The following TM4SF18 variants were observed in gnomAD, a reference collection of about 807,000 sequenced individuals.
TM4SF18 encodes transmembrane 4 L6 family member 18.
In TM4SF18, 22 loss-of-function variants were observed where a neutral mutation model predicts 23.8. That is an observed-to-expected ratio of 0.92 (90% CI 0.66 to 1.32). TM4SF18 has a LOEUF of 1.32. TM4SF18 is among the 40% of genes most tolerant of loss of function. The pLI, the probability that TM4SF18 is intolerant of heterozygous loss-of-function variation, is 0.00. For synonymous variants in TM4SF18, 87 were observed against 87.9 expected (o/e 0.99, Z 0.06); for missense variants, 255 against 240.3 (o/e 1.06, Z -0.41).
At chr3:149,327,618 C>T (rs970887731) in intron 3 of TM4SF18, among the ~76,000 whole-genome samples, 1 of 152,026 alleles carries the variant, frequency 6.6e-6, no homozygotes, top group Non-Finnish European at 1.5e-5. Context: ...CATGCAGTAA[C>T]CAATTGATAA....
intron 2 of TM4SF18, 56 bp downstream of exon 2, chr3:149,333,150 G>A: frequency 6.9e-7 from 1 of 1,458,452 alleles, no homozygotes; most frequent in East Asian, 2.3e-5. Context: ...CTAGTTACAA[G>A]GTAAGTCTCA....
At chr3:149,325,599 A>G (rs1559990864) in intron 3 of TM4SF18, among the ~76,000 whole-genome samples, 1 of 152,192 alleles carries the variant, frequency 6.6e-6, no homozygotes, top group Non-Finnish European at 1.5e-5. Context: ...GTTGTGAGAA[A>G]GTAGGTTTAA....
At position 149,327,131 on chromosome 3, in the gene TM4SF18, G is replaced by A. The variant is rs147251943; in HGVS notation, c.268-2109C>T. On this transcript the variant is annotated intron_variant, in intron 3 of 5. Coordinates refer to ENST00000296059, the MANE Select transcript of TM4SF18 (RefSeq NM_138786.4). ...CGCCTAGCTCATTTTTGTATTTTTA[G>A]TAGATATGGGGTTTCACCATGTTGG... Among the ~76,000 whole-genome samples, 835 of 152,286 alleles carry A rather than the reference G, an allele frequency of 5.5e-3. 6 individuals carry two copies. The highest frequency in any genetic ancestry group is 8.8e-3 in the Non-Finnish European group (597 of 68,020).
intron 3 of TM4SF18, among the ~76,000 whole-genome samples, chr3:149,328,031 T>A (rs1730994529): frequency 6.6e-6 from 1 of 152,208 alleles, no homozygotes; most frequent in South Asian, 2.1e-4. Context: ...TATTAGCTAT[T>A]ATTTCAAGTG....
chr3:149,328,991 G>A (rs1526789), intron 3 of TM4SF18, among the ~76,000 whole-genome samples: 2 of 152,168 alleles, frequency 1.3e-5, no homozygotes, highest in African/African-American at 4.8e-5. Flanking sequence ...TTGAACATGT[G>A]AATTTTTATT....
intron 3 of TM4SF18, among the ~76,000 whole-genome samples, chr3:149,327,466 GA>G (rs11294221): frequency 0.3 from 41,620 of 139,110 alleles, 5,847 homozygotes; most frequent in East Asian, 0.45. Flanking sequence ...AGCTGGAGAT[GA>G]AAAAAAAAAA....
Position 149,333,378 on chromosome 3 carries a change from C to A in TM4SF18, c.5G>T (p.Gly2Val). 6.2e-7 allele frequency: 1 copy of A among 1,610,500 alleles called. No individual in the cohort carries two copies. The highest frequency in any genetic ancestry group is 8.5e-7 in the Non-Finnish European group (1 of 1,178,154). M[G>V]SRKCGGCLSC... is the part of the protein sequence containing the mutation. The stretch of plus-strand genomic sequence containing the variant: ...TAGGCAGCCTCCACACTTCCGAGAC[C>A]CCATTTTGCCCTGCTTAGAACCTGC... Residue 2 changes from glycine to valine, a missense_variant, in exon 2 of 6, where the codon GGG becomes GTG. Gly to Val is a moderately radical substitution (Grantham distance 109, BLOSUM62 -3). Coordinates refer to ENST00000296059, the MANE Select transcript of TM4SF18 (RefSeq NM_138786.4).
Position 149,321,445 on chromosome 3 carries a change from A to G in TM4SF18, c.*33T>C. On this transcript the variant is annotated 3_prime_UTR_variant, in exon 6 of 6. Transcript: ENST00000296059. Reference sequence around the variant, plus strand: ...TGATATAATATTTAGATAGATGGCCATGTCTTGATAATGGAAAACATTTTG... The same window carrying G: ...TGATATAATATTTAGATAGATGGCCGTGTCTTGATAATGGAAAACATTTTG... The G allele has an allele frequency of 6.6e-7, 1 of 1,514,270 alleles. No individual in the cohort carries two copies. The highest frequency in any genetic ancestry group is 2.3e-5 in the East Asian group (1 of 43,284). The allele number at this position is 1,514,270 out of a possible 1,614,324, so 93.8% of individuals were successfully genotyped here.
chr3:149,329,486 A>G (rs1731042266), intron 3 of TM4SF18, among the ~76,000 whole-genome samples: 2 of 152,310 alleles, frequency 1.3e-5, no homozygotes, highest in African/African-American at 4.8e-5. Context: ...AATGCCTACC[A>G]GATATCATCA....
In TM4SF18 at chr3:149,324,956, C is replaced by T. The variant is rs777428789; in HGVS notation, c.334G>A (p.Ala112Thr). ...TATGGCCCTTGGACAAGACCCAAGG[C>T]AGAGATGACCAGGCAGTATCCAGAA... ...AFSGYCLVIS[A>T]LGLVQGPYCR... Residue 112 changes from alanine to threonine, a missense_variant, in exon 4 of 6, where the codon GCC (alanine) becomes ACC (threonine). Physicochemically the swap from Ala to Thr is moderately conservative, Grantham distance 58 (BLOSUM62 0). Transcript: ENST00000296059. The T allele has an allele frequency of 1.2e-6, 2 of 1,614,120 alleles. No individual in the cohort carries two copies. The highest frequency in any genetic ancestry group is 1.7e-6 in the Non-Finnish European group (2 of 1,180,006).
At chr3:149,324,729 G>T (rs1245248852) in intron 4 of TM4SF18, 151 bp downstream of exon 4, 2 of 915,716 alleles carry the variant, frequency 2.2e-6, no homozygotes. Context: ...AGAACAAATT[G>T]GTCTGGATAT....
At chr3:149,333,482 CTTTTT>C (rs1553772228) in intron 1 of TM4SF18, 26 bp downstream of exon 1, 6 of 235,206 alleles carry the variant, frequency 2.6e-5, no homozygotes, top group Non-Finnish European at 2.0e-5. Context: ...CTCTCTCTCT[CTTTTT>C]TTTTTTTTTT....
In TM4SF18 at chr3:149,327,466, GAAA is replaced by G. The variant is rs11294221; in HGVS notation, c.268-2447_268-2445del. Among the ~76,000 whole-genome samples the G allele has an allele frequency of 7.7e-3, 1,067 of 139,380 alleles. 12 individuals carry two copies. The highest frequency in any genetic ancestry group is 0.026 in the African/African-American group (995 of 37,968). The allele number at this position is 139,380 out of a possible 152,430, so 91.4% of individuals were successfully genotyped here. The stretch of plus-strand genomic sequence containing the variant: ...AAGGAGGAAATGAGTAGCTGGAGAT[GAAA>G]AAAAAAAAAAAATCCAGAGCTGGGG... On this transcript the variant is annotated intron_variant, in intron 3 of 5. Coordinates refer to ENST00000296059, the MANE Select transcript of TM4SF18 (RefSeq NM_138786.4).
chr3:149,323,537 G>A (rs2004628), intron 4 of TM4SF18, among the ~76,000 whole-genome samples: 137,096 of 152,260 alleles, frequency 0.9, 61,937 homozygotes, highest in African/African-American at 0.98. Context: ...AGAGAAACAT[G>A]AATTGTGAAG....
intron 4 of TM4SF18, among the ~76,000 whole-genome samples, chr3:149,324,249 C>A (rs1730881936): frequency 6.6e-6 from 1 of 152,130 alleles, no homozygotes; most frequent in Non-Finnish European, 1.5e-5. Flanking sequence ...TTGTGAGACT[C>A]CTGACTGAAT....
In TM4SF18 at chr3:149,333,623, A is replaced by C. The variant is rs1731146298; in HGVS notation, c.-128T>G. On this transcript the variant is annotated 5_prime_UTR_variant, in exon 1 of 6. In the 5' UTR this introduces an upstream ATG that the reference lacks. Coordinates refer to ENST00000296059, the MANE Select transcript of TM4SF18 (RefSeq NM_138786.4). The stretch of plus-strand genomic sequence containing the variant: ...AATACTGGTTTACTGTTTGGAGAAC[A>C]ATAGACAATGATCAACAACTGAAGA... 1 of 384,708 alleles carries C rather than the reference A, an allele frequency of 2.6e-6. No individual in the cohort carries two copies. Among genetic ancestry groups the C allele is most frequent in the Admixed American group, 4.4e-5 (1 of 22,670 alleles). 23.8% of individuals were successfully genotyped at this position (384,708 alleles called of 1,614,324 possible).
chr3:149,324,561 C>T (rs1730889090), intron 4 of TM4SF18, among the ~76,000 whole-genome samples: 1 of 152,160 alleles, frequency 6.6e-6, no homozygotes, highest in South Asian at 2.1e-4. Context: ...CCATAAGCTC[C>T]AGCTGTTACC....
chr3:149,330,315 A>T lies in TM4SF18; in HGVS notation c.267+15T>A. Reference sequence around the variant, plus strand: ...GAGCCCACTCAACCATCCTCAAAAAAACTGTTGCTCTTACCACATATTTTT... The same window carrying T: ...GAGCCCACTCAACCATCCTCAAAAATACTGTTGCTCTTACCACATATTTTT... On this transcript the variant is annotated intron_variant, in intron 3 of 5. Transcript: ENST00000296059. 1 of 1,592,684 alleles carries T rather than the reference A, an allele frequency of 6.3e-7. No homozygotes were observed. The highest frequency in any genetic ancestry group is 2.2e-5 in the East Asian group (1 of 44,754).
Position 149,319,841 on chromosome 3 carries a change from A to G in TM4SF18, c.*1637T>C, listed in dbSNP as rs1419865360. On this transcript the variant is annotated 3_prime_UTR_variant, in exon 6 of 6. Transcript: ENST00000296059. Reference sequence around the variant, plus strand: ...TCTTGGCTTCCTAGTTCAAATTCTTATGCTTGAATAACCACCAGTCTTGTT... The same window carrying G: ...TCTTGGCTTCCTAGTTCAAATTCTTGTGCTTGAATAACCACCAGTCTTGTT... The G allele has an allele frequency of 6.6e-6, 1 of 152,192 alleles. No homozygotes were observed. Among genetic ancestry groups the G allele is most frequent in the South Asian group, 2.1e-4 (1 of 4,826 alleles). The allele number at this position is 152,192 out of a possible 1,614,324, so 9.4% of individuals were successfully genotyped here. A position where few individuals can be genotyped will look rare whatever the true frequency, so the allele number is the denominator to read the frequency against.
Sources: gnomAD v4.1 joint callset for allele counts (sites outside exome capture counted in the v4.1 genomes callset) on GRCh38, gnomAD v4.1.1 for gene constraint, MANE v1.5 for transcripts, NCBI Gene and HGNC (gene_info 2026-07-23, HGNC 2026-07-21) for gene names.